Variants in MRPL3 observed in about 807,000 individuals in gnomAD.
MRPL3 encodes large ribosomal subunit protein uL3m.
MRPL3 carries 43 observed loss-of-function variants against 44.3 expected under a neutral mutation model. The observed-to-expected ratio is 0.97, with a 90% confidence interval of 0.76 to 1.25. MRPL3 has a LOEUF of 1.25. Among genes scored for constraint, MRPL3 ranks in the 50% most tolerant of loss-of-function variants. The probability of loss-of-function intolerance (pLI) is 0.00; values close to 1 mark genes in which losing one functional copy is unlikely to be tolerated. For missense variants in MRPL3, 406 were observed against 427.6 expected (o/e 0.95, Z 0.45); for synonymous variants, 171 against 152.3 (o/e 1.12, Z -0.91).
intron 6 of MRPL3, among the ~76,000 whole-genome samples, chr3:131,483,449 G>T (rs890501809): frequency 6.6e-6 from 1 of 152,050 alleles, no homozygotes; most frequent in African/African-American, 2.4e-5. Context: ...AATAAAATTT[G>T]TCTTCTATCA....
chr3:131,477,912 T>G (rs1348026773), intron 6 of MRPL3, among the ~76,000 whole-genome samples: 1 of 152,168 alleles, frequency 6.6e-6, no homozygotes, highest in African/African-American at 2.4e-5. Flanking sequence ...TTTTCCTGCT[T>G]CCCTAATGTT....
At chr3:131,489,935 A>G (rs1228475676) in intron 5 of MRPL3, 46 bp downstream of exon 5, 1 of 1,176,236 alleles carries the variant, frequency 8.5e-7, no homozygotes, top group South Asian at 1.3e-5. Context: ...AACAAATTGC[A>G]TATTTGGGTA....
Position 131,472,083 on chromosome 3 carries a change from G to A in MRPL3, c.630-804C>T, listed in dbSNP as rs1582703419. 2.6e-5 allele frequency among the ~76,000 whole-genome samples: 4 copies of A among 152,266 alleles called. 1 individual carries two copies. The South Asian group carries it at 8.3e-4, about 32-fold the overall frequency. The stretch of plus-strand genomic sequence containing the variant: ...CCAGGTAAGTTACAATGGGATTTCT[G>A]AGCACAGAAACTGAGGTAATAAATG... On this transcript the variant is annotated intron_variant, in intron 6 of 9. Transcript: ENST00000264995.
At chr3:131,465,508 TG>T (rs1398713567) in intron 9 of MRPL3, among the ~76,000 whole-genome samples, 1 of 152,146 alleles carries the variant, frequency 6.6e-6, no homozygotes, top group Non-Finnish European at 1.5e-5. Context: ...CAGCAATTAA[TG>T]GTAAGGTTCA....
intron 9 of MRPL3, among the ~76,000 whole-genome samples, chr3:131,465,690 A>G (rs781087067): frequency 1.3e-5 from 2 of 152,158 alleles, no homozygotes; most frequent in African/African-American, 2.4e-5. Context: ...GGCTAGGGAT[A>G]TGAAGATATG....
At position 131,500,502 on chromosome 3, in the gene MRPL3, A is replaced by T; in HGVS notation, c.297T>A (p.Leu99=). The part of the protein sequence containing the change: ...PWEPGSFRVG[L]IALKLGMMPL... The stretch of plus-strand genomic sequence containing the variant: ...GCATCATGCCCAGCTTCAAGGCAAT[A>T]AGACCAACTCTAAAGGAACCTGGCA... Residue 99 remains leucine, a synonymous_variant, in exon 3 of 10, where the codon CTT becomes CTA. Transcript: ENST00000264995. The T allele has an allele frequency of 6.2e-7, 1 of 1,613,856 alleles. No homozygotes were observed. The highest frequency in any genetic ancestry group is 8.5e-7 in the Non-Finnish European group (1 of 1,179,846).
chr3:131,488,726 A>C (rs1283530919), intron 5 of MRPL3: 1 of 152,062 alleles, frequency 6.6e-6, no homozygotes, highest in Non-Finnish European at 1.5e-5. Context: ...CAAGCAGCAA[A>C]GTGCTGTAAG....
intron 9 of MRPL3, among the ~76,000 whole-genome samples, chr3:131,464,933 G>A (rs928131520): frequency 2.0e-5 from 3 of 152,188 alleles, no homozygotes; most frequent in Admixed American, 6.5e-5. Context: ...TACCTGCTAC[G>A]GAGTCACTGG....
chr3:131,491,559 C>A (rs769381508), intron 4 of MRPL3, among the ~76,000 whole-genome samples: 1 of 152,140 alleles, frequency 6.6e-6, no homozygotes, highest in African/African-American at 2.4e-5. Context: ...CCTTCCCAGG[C>A]CTTCTTCCAA....
At position 131,462,604 on chromosome 3, in the gene MRPL3, G is replaced by T; in HGVS notation, c.*119C>A. On this transcript the variant is annotated 3_prime_UTR_variant, in exon 10 of 10. Transcript: ENST00000264995. ...ATGATATATTTATGCCCTTGACAAAGATGACATGTGTGATTTTGTTGTGAC... is the reference window on the plus strand; with the variant it reads ...ATGATATATTTATGCCCTTGACAAATATGACATGTGTGATTTTGTTGTGAC... 1 of 964,070 alleles carries T rather than the reference G, an allele frequency of 1.0e-6. No homozygotes were observed. Among genetic ancestry groups the T allele is most frequent in the Non-Finnish European group, 1.5e-6 (1 of 673,220 alleles). The allele number at this position is 964,070 out of a possible 1,614,324, so 59.7% of individuals were successfully genotyped here. A position where few individuals can be genotyped will look rare whatever the true frequency, so the allele number is the denominator to read the frequency against.
intron 9 of MRPL3, among the ~76,000 whole-genome samples, chr3:131,463,570 TACA>T (rs1264861101): frequency 6.6e-6 from 1 of 152,154 alleles, no homozygotes; most frequent in East Asian, 1.9e-4. Flanking sequence ...TATCTTCATA[TACA>T]ACAAATGCAG....
intron 8 of MRPL3, among the ~76,000 whole-genome samples, chr3:131,469,176 T>C (rs1933685678): frequency 6.6e-6 from 1 of 151,950 alleles, no homozygotes; most frequent in East Asian, 1.9e-4. Context: ...TGTAGTGCTA[T>C]TGTTTCCTCC....
intron 9 of MRPL3, among the ~76,000 whole-genome samples, chr3:131,464,191 T>A (rs916651470): frequency 6.6e-6 from 1 of 151,970 alleles, no homozygotes; most frequent in African/African-American, 2.4e-5. Flanking sequence ...ATAAAACCAA[T>A]CACAACAAAA....
Position 131,487,585 on chromosome 3 carries a change from T to C in MRPL3, c.629+95A>G, listed in dbSNP as rs1055230353. ...GAATGAGAAATATATTTATCCTTTATTCACTGACTTGAAAGACTGTACTTC... is the reference window on the plus strand; with the variant it reads ...GAATGAGAAATATATTTATCCTTTACTCACTGACTTGAAAGACTGTACTTC... On this transcript the variant is annotated intron_variant, in intron 6 of 9. Coordinates refer to ENST00000264995, the MANE Select transcript of MRPL3 (RefSeq NM_007208.4). 172 of 947,432 alleles carry C rather than the reference T, an allele frequency of 1.8e-4. 1 individual carries two copies. Among genetic ancestry groups the C allele is most frequent in the Admixed American group, 3.4e-4 (14 of 41,616 alleles). The allele number at this position is 947,432 out of a possible 1,614,324, so 58.7% of individuals were successfully genotyped here. A position where few individuals can be genotyped will look rare whatever the true frequency, so the allele number is the denominator to read the frequency against.
intron 4 of MRPL3, among the ~76,000 whole-genome samples, chr3:131,494,728 A>T (rs1329602780): frequency 2.6e-5 from 4 of 152,228 alleles, no homozygotes; most frequent in Admixed American, 6.5e-5. Context: ...TTATAAAACT[A>T]ATTAGGTCTC....
intron 6 of MRPL3, chr3:131,487,007 T>A (rs577903687): frequency 1.3e-5 from 2 of 152,204 alleles, no homozygotes; most frequent in Non-Finnish European, 2.9e-5. Context: ...TGCACACATA[T>A]GTTTATTGTG....
chr3:131,498,393 C>G, intron 3 of MRPL3, 116 bp from the exon 4 acceptor site: 2 of 612,590 alleles, frequency 3.3e-6, no homozygotes, highest in Non-Finnish European at 2.8e-6. Context: ...CTTACCTCAT[C>G]TTTCCTCTAA....
chr3:131,478,162 T>A (rs1359548682), intron 6 of MRPL3, among the ~76,000 whole-genome samples: 2 of 152,204 alleles, frequency 1.3e-5, no homozygotes, highest in Non-Finnish European at 2.9e-5. Flanking sequence ...AGATATTTAC[T>A]TCCCATTCTT....
rs1933521221 is a variant in MRPL3 at position 131,462,842 on chromosome 3, G to C, written c.928C>G (p.Leu310Val). The change falls in exon 10 of 10, where the codon CTC (leucine) becomes GTC (valine). Residue 310 changes from leucine to valine, a missense_variant. Coordinates refer to ENST00000264995, the MANE Select transcript of MRPL3 (RefSeq NM_007208.4). ...KDSKLPAYKD[L>V]GKNLPFPTYF... is the part of the protein sequence containing the mutation. ...GTAGGGAATGGTAGATTTTTACCGAGATCCTTATATGCAGGCAGTTTAGAA... is the reference window on the plus strand; with the variant it reads ...GTAGGGAATGGTAGATTTTTACCGACATCCTTATATGCAGGCAGTTTAGAA... 1 of 1,612,286 alleles carries C rather than the reference G, an allele frequency of 6.2e-7. No homozygotes were observed. Among genetic ancestry groups the C allele is most frequent in the Non-Finnish European group, 8.5e-7 (1 of 1,178,920 alleles).
Sources: gnomAD v4.1 joint callset for allele counts (sites outside exome capture counted in the v4.1 genomes callset) on GRCh38, gnomAD v4.1.1 for gene constraint, MANE v1.5 for transcripts, NCBI Gene and HGNC (gene_info 2026-07-23, HGNC 2026-07-21) for gene names.